Variants in SMURF1 observed in about 807,000 individuals in gnomAD.
SMURF1 encodes SMAD specific E3 ubiquitin protein ligase 1, also known as E3 ubiquitin-protein ligase SMURF1.
In SMURF1, 44 loss-of-function variants were observed where a neutral mutation model predicts 98.0. The observed-to-expected ratio is 0.45, with a 90% CI of 0.35 to 0.58. The LOEUF (loss-of-function observed/expected upper bound fraction) is 0.58, where lower values mean the gene tolerates loss of function less well. Among genes scored for constraint, SMURF1 ranks in the 20% least tolerant of loss-of-function variants. SMURF1 has a pLI of 0.00. For missense variants in SMURF1, 687 were observed against 938.4 expected (o/e 0.73, Z 3.50); for synonymous variants, 396 against 374.9 (o/e 1.06, Z -0.65).
At chr7:99,138,506 T>C (rs1352161578) in intron 1 of SMURF1, among the ~76,000 whole-genome samples, 1 of 152,200 alleles carries the variant, frequency 6.6e-6, no homozygotes, top group Non-Finnish European at 1.5e-5. Context: ...ACATTGTGAC[T>C]GAACCGAGAA....
At chr7:99,038,251 G>A (rs958631097) in intron 14 of SMURF1, 137 bp downstream of exon 14, 24 of 1,051,736 alleles carry the variant, frequency 2.3e-5, no homozygotes, top group South Asian at 1.5e-4. Flanking sequence ...TCTGAAAGTC[G>A]CCTCTGTTCA....
intron 1 of SMURF1, among the ~76,000 whole-genome samples, chr7:99,073,583 G>A (rs1289342876): frequency 1.3e-5 from 2 of 151,856 alleles, no homozygotes; most frequent in Non-Finnish European, 2.9e-5. Flanking sequence ...TGGCCAACAT[G>A]GTGAAACCCC....
At chr7:99,064,964 C>T (rs1186402479) in intron 1 of SMURF1, among the ~76,000 whole-genome samples, 1 of 152,160 alleles carries the variant, frequency 6.6e-6, no homozygotes, top group South Asian at 2.1e-4. Flanking sequence ...CATTTAGAAT[C>T]ATTTTGAGCA....
chr7:99,124,801 C>T (rs925629159), intron 1 of SMURF1, among the ~76,000 whole-genome samples: 1 of 152,162 alleles, frequency 6.6e-6, no homozygotes, highest in African/African-American at 2.4e-5. Flanking sequence ...CAGGGCAGGG[C>T]CAACTAAACT....
chr7:99,133,128 G>A (rs1157793731), intron 1 of SMURF1, among the ~76,000 whole-genome samples: 2 of 151,708 alleles, frequency 1.3e-5, no homozygotes, highest in African/African-American at 2.4e-5. Context: ...CCACCCACAC[G>A]CAGTGCACGC....
rs1795748837 is a variant in SMURF1, at chr7:99,051,345, C to T, written c.806+12G>A. ...AAAGACAGCTGGGGGGTGTCCATTT[C>T]AGGAGGCTTACCTTGGTATCCTGGG... On this transcript the variant is annotated intron_variant, in intron 8 of 17. Coordinates refer to ENST00000361368, the MANE Select transcript of SMURF1 (RefSeq NM_181349.3). 3.1e-6 allele frequency: 5 copies of T among 1,611,014 alleles called. No individual in the cohort carries two copies. The highest frequency in any genetic ancestry group is 4.2e-6 in the Non-Finnish European group (5 of 1,177,172).
chr7:99,040,508 C>T lies in SMURF1; in HGVS notation c.1420G>A (p.Val474Met), dbSNP rs773285952. Reference protein sequence around the residue: ...HFVGRIMGLAVFHGHYINGGF... With the variant: ...HFVGRIMGLAMFHGHYINGGF... The stretch of plus-strand genomic sequence containing the variant: ...CCGTTGATGTAGTGTCCATGGAACA[C>T]AGCCAGCCCCATGATCCGCCCCACA... The change falls in exon 13 of 18, where the codon GTG becomes ATG. Residue 474 changes from valine to methionine, a missense_variant. Physicochemically the swap from Val to Met is conservative, Grantham distance 21 (BLOSUM62 1). This residue lies in a region of SMURF1 where 272 missense variants were observed against 430.0 expected (regional missense o/e 0.63). Coordinates refer to ENST00000361368, the MANE Select transcript of SMURF1 (RefSeq NM_181349.3). 1.9e-6 allele frequency: 3 copies of T among 1,554,512 alleles called. No individual in the cohort carries two copies. In the Admixed American group the frequency reaches 6.0e-5, roughly 31 times the overall value.
Position 99,097,533 on chromosome 7 carries a change from T to A in SMURF1, c.56-35696A>T, listed in dbSNP as rs148548731. Among the ~76,000 whole-genome samples, 91 of 152,342 alleles carry A rather than the reference T, an allele frequency of 6.0e-4. 1 individual carries two copies. In the East Asian group the frequency reaches 8.7e-3, roughly 15 times the overall value. On this transcript the variant is annotated intron_variant, in intron 1 of 17. Transcript: ENST00000361368. Reference sequence around the variant, plus strand: ...TCTCTTGCTCTCTCTCTCACACATGTTCTCTTGCCCTTCCATCTTTCACTA... The same window carrying A: ...TCTCTTGCTCTCTCTCTCACACATGATCTCTTGCCCTTCCATCTTTCACTA...
rs1794739186 is a variant in SMURF1, at chr7:99,027,656, G to C, written c.*2928C>G. On this transcript the variant is annotated 3_prime_UTR_variant, in exon 18 of 18. Coordinates refer to ENST00000361368, the MANE Select transcript of SMURF1 (RefSeq NM_181349.3). ...ATAAAAACAGTGGGAAGGATAACAA[G>C]GATAGCAGCAATACTTCAAAACAAG... The C allele has an allele frequency of 6.6e-6, 1 of 152,520 alleles. No homozygotes were observed. Among genetic ancestry groups the C allele is most frequent in the South Asian group, 2.1e-4 (1 of 4,820 alleles). 9.4% of individuals were successfully genotyped at this position (152,520 alleles called of 1,614,324 possible).
At chr7:99,059,401 AAAAAAT>A (rs1416790872) in intron 3 of SMURF1, among the ~76,000 whole-genome samples, 17 of 100,098 alleles carry the variant, frequency 1.7e-4, no homozygotes, top group Admixed American at 7.3e-4. Flanking sequence ...CCATCTCAAA[AAAAAAT>A]AAAATAAAAT....
At chr7:99,074,720 A>C (rs994704378) in intron 1 of SMURF1, among the ~76,000 whole-genome samples, 2 of 152,032 alleles carry the variant, frequency 1.3e-5, no homozygotes, top group Non-Finnish European at 2.9e-5. Context: ...TAAAAAAAAA[A>C]CCCAATCCAA....
chr7:99,046,181 A>G (rs1795566499), intron 10 of SMURF1, among the ~76,000 whole-genome samples: 1 of 152,178 alleles, frequency 6.6e-6, no homozygotes, highest in Non-Finnish European at 1.5e-5. Context: ...AGAAAGTCTG[A>G]ATGCTAAGAG....
At chr7:99,034,425 CAATGGCGCCATGAGAA>C (rs2150494399) in intron 16 of SMURF1, among the ~76,000 whole-genome samples, 1 of 152,326 alleles carries the variant, frequency 6.6e-6, no homozygotes, top group African/African-American at 2.4e-5. Context: ...GTGGGCAAGA[CAATGGCGCCATGAGAA>C]AAGTGACTTG....
chr7:99,060,668 G>C lies in SMURF1; in HGVS notation c.134C>G (p.Ser45Cys). The change falls in exon 3 of 18, where the codon TCT becomes TGT. Residue 45 changes from serine (S) to cysteine (C), a missense_variant. This residue lies in a region of SMURF1 where 415 missense variants were observed against 508.4 expected (regional missense o/e 0.82). Coordinates refer to ENST00000361368, the MANE Select transcript of SMURF1 (RefSeq NM_181349.3). ...AGTGTCGGTTGAGTGGCACTGCCCA[G>C]ACCCATCCACGACAATCTTTGCAAA... is the stretch of plus-strand genomic sequence containing the variant. ...DPFAKIVVDG[S>C]GQCHSTDTVK... 1.9e-6 allele frequency: 3 copies of C among 1,613,984 alleles called. No homozygotes were observed. The highest frequency in any genetic ancestry group is 1.7e-6 in the Non-Finnish European group (2 of 1,179,972).
chr7:99,097,636 A>G (rs1796985219), intron 1 of SMURF1, among the ~76,000 whole-genome samples: 1 of 152,232 alleles, frequency 6.6e-6, no homozygotes, highest in Non-Finnish European at 1.5e-5. Context: ...GAACTGTAAG[A>G]AATAAACTTC....
chr7:99,075,674 T>C (rs540030444), intron 1 of SMURF1, among the ~76,000 whole-genome samples: 9 of 151,914 alleles, frequency 5.9e-5, no homozygotes, highest in Admixed American at 1.3e-4. Flanking sequence ...ATCAGTGTCA[T>C]GTGTAACAAC....
At position 99,099,498 on chromosome 7, in the gene SMURF1, A is replaced by T. The variant is rs572393433; in HGVS notation, c.56-37661T>A. Among the ~76,000 whole-genome samples the T allele has an allele frequency of 4.6e-5, 7 of 152,188 alleles. No homozygotes were observed. The South Asian group carries it at 1.5e-3, about 32-fold the overall frequency. On this transcript the variant is annotated intron_variant, in intron 1 of 17. Coordinates refer to ENST00000361368, the MANE Select transcript of SMURF1 (RefSeq NM_181349.3). ...TCCGTGCAGTAATTCCTTTCCCAGG[A>T]TAGGGGGGGAAATGCCATTATCATG...
intron 1 of SMURF1, among the ~76,000 whole-genome samples, chr7:99,123,565 T>C (rs1487113116): frequency 1.3e-5 from 2 of 152,040 alleles, no homozygotes; most frequent in Admixed American, 1.3e-4. Context: ...TAGATAAATA[T>C]TAGGTTGGTA....
Position 99,072,322 on chromosome 7 carries a change from C to T in SMURF1, c.56-10485G>A, listed in dbSNP as rs111680549. Among the ~76,000 whole-genome samples the T allele has an allele frequency of 4.3e-3, 649 of 152,168 alleles. 3 individuals carry two copies. Among genetic ancestry groups the T allele is most frequent in the African/African-American group, 0.014 (575 of 41,510 alleles). On this transcript the variant is annotated intron_variant, in intron 1 of 17. Coordinates refer to ENST00000361368, the MANE Select transcript of SMURF1 (RefSeq NM_181349.3). ...CCAGGTGTGAGTCAACATTTCCAAC[C>T]GAGGCAGTATTAATTTGACACATAG... is the stretch of plus-strand genomic sequence containing the variant.
Sources: gnomAD v4.1 joint callset for allele counts (sites outside exome capture counted in the v4.1 genomes callset) on GRCh38, gnomAD v4.1.1 for gene constraint, gnomAD v4.1.1 regional missense constraint, MANE v1.5 for transcripts, NCBI Gene and HGNC (gene_info 2026-07-23, HGNC 2026-07-21) for gene names.